Variants in PRKN observed in about 807,000 individuals in gnomAD.
The protein encoded by PRKN is E3 ubiquitin-protein ligase parkin.
Under a neutral mutation model 59.5 loss-of-function variants are expected in PRKN, and 56 were observed. The observed-to-expected ratio is 0.94, with a 90% CI of 0.76 to 1.18. PRKN has a LOEUF of 1.18. Ranked by LOEUF, PRKN falls within the 50% of genes most tolerant of loss-of-function variation. PRKN has a pLI of 0.00. For synonymous variants in PRKN, 250 were observed against 222.1 expected, an observed-to-expected ratio of 1.13 and a Z score of -1.12; for missense variants, 657 against 596.4, an observed-to-expected ratio of 1.10 and a Z score of -1.06.
chr6:161,829,505 G>A (rs1331346187), intron 6 of PRKN, among the ~76,000 whole-genome samples: 1 of 152,110 alleles, frequency 6.6e-6, no homozygotes, highest in South Asian at 2.1e-4. Flanking sequence ...TCAGACAAGC[G>A]GGTTATGTCA....
intron 1 of PRKN, among the ~76,000 whole-genome samples, chr6:162,677,765 A>T (rs1189829664): frequency 6.6e-6 from 1 of 152,200 alleles, no homozygotes; most frequent in African/African-American, 2.4e-5. Context: ...TCTTTGAAAA[A>T]GCGCTTACCT....
At chr6:161,563,533 G>A (rs1219832014) in intron 8 of PRKN, among the ~76,000 whole-genome samples, 5 of 152,306 alleles carry the variant, frequency 3.3e-5, no homozygotes, top group South Asian at 4.1e-4. Context: ...ATTTGGACTA[G>A]GGGGAAGGAG....
At chr6:161,648,424 T>C (rs1784036541) in intron 7 of PRKN, among the ~76,000 whole-genome samples, 1 of 152,000 alleles carries the variant, frequency 6.6e-6, no homozygotes, top group Non-Finnish European at 1.5e-5. Context: ...AATGAAACAG[T>C]AGGGAGGAGA....
intron 7 of PRKN, among the ~76,000 whole-genome samples, chr6:161,656,188 A>G (rs1207618291): frequency 6.6e-6 from 1 of 152,212 alleles, no homozygotes; most frequent in African/African-American, 2.4e-5. Context: ...CCATTCGGTC[A>G]AGGAGCGAAA....
At chr6:162,016,902 C>T (rs2128273400) in intron 5 of PRKN, among the ~76,000 whole-genome samples, 1 of 152,176 alleles carries the variant, frequency 6.6e-6, no homozygotes, top group Non-Finnish European at 1.5e-5. Flanking sequence ...AGGATGGATG[C>T]CTACCCAACA....
intron 7 of PRKN, among the ~76,000 whole-genome samples, chr6:161,623,200 G>A (rs1055676415): frequency 1.3e-5 from 2 of 152,204 alleles, no homozygotes; most frequent in Non-Finnish European, 2.9e-5. Context: ...CTTAACCACA[G>A]AAGTCTGAGA....
At chr6:162,620,185 T>C (rs1167862883) in intron 1 of PRKN, among the ~76,000 whole-genome samples, 5 of 152,168 alleles carry the variant, frequency 3.3e-5, no homozygotes, top group Admixed American at 2.6e-4. Context: ...TACTTTTATC[T>C]CCTCAACAGG....
At chr6:161,432,980 A>T (rs908499408) in intron 9 of PRKN, among the ~76,000 whole-genome samples, 1 of 152,206 alleles carries the variant, frequency 6.6e-6, no homozygotes, top group African/African-American at 2.4e-5. Context: ...TAAAAAACTG[A>T]AAAGGTAAAT....
intron 2 of PRKN, among the ~76,000 whole-genome samples, chr6:162,361,544 T>C (rs750897183): frequency 1.3e-5 from 2 of 152,132 alleles, no homozygotes; most frequent in African/African-American, 2.4e-5. Flanking sequence ...ACTAAACATG[T>C]GCGTTTAAGT....
At chr6:162,328,508 A>C (rs773442841) in intron 2 of PRKN, among the ~76,000 whole-genome samples, 3 of 152,198 alleles carry the variant, frequency 2.0e-5, no homozygotes, top group Non-Finnish European at 4.4e-5. Flanking sequence ...ACTTACAAAG[A>C]TGGGTGAATA....
At position 161,444,149 on chromosome 6, in the gene PRKN, C is replaced by T. The variant is rs1789380593; in HGVS notation, c.1084-57272G>A. On this transcript the variant is annotated intron_variant, in intron 9 of 11. Coordinates refer to ENST00000366898, the MANE Select transcript of PRKN (RefSeq NM_004562.3). The surrounding 1 kb of genome is among the most constrained non-coding windows in gnomAD (Gnocchi z 5.6). ...TGGGAATCGGCCAGGCCAGGCCCAG[C>T]GGGTGGGAGCTGCAGATACCACTTC... Among the ~76,000 whole-genome samples the T allele has an allele frequency of 6.6e-6, 1 of 152,170 alleles. No individual in the cohort carries two copies. The highest frequency in any genetic ancestry group is 1.5e-5 in the Non-Finnish European group (1 of 68,022).
chr6:162,349,403 G>A (rs1784533526), intron 2 of PRKN, among the ~76,000 whole-genome samples: 1 of 152,130 alleles, frequency 6.6e-6, no homozygotes, highest in Admixed American at 6.5e-5. Flanking sequence ...GGAAGCAGAG[G>A]TTGCAGTGAG....
At chr6:162,311,085 G>A (rs1383204506) in intron 2 of PRKN, among the ~76,000 whole-genome samples, 3 of 152,108 alleles carry the variant, frequency 2.0e-5, no homozygotes, top group African/African-American at 4.8e-5. Context: ...ACAAAGCCCT[G>A]ACTGGAAAGA....
chr6:162,034,774 CTAACTTTTTCAGTCAGGAAAAA>C (rs1783776437), intron 5 of PRKN, among the ~76,000 whole-genome samples: 1 of 152,188 alleles, frequency 6.6e-6, no homozygotes, highest in Admixed American at 6.5e-5. Flanking sequence ...ATCCAAGACT[CTAACTTTTTCAGTCAGGAAAAA>C]TATAGCCCAT....
At chr6:162,152,438 T>A (rs186251883) in intron 4 of PRKN, among the ~76,000 whole-genome samples, 2 of 152,342 alleles carry the variant, frequency 1.3e-5, no homozygotes, top group East Asian at 3.9e-4. Flanking sequence ...ACTGGCCCGC[T>A]ATCATTTCTC....
chr6:162,069,998 T>A (rs1223332420), intron 4 of PRKN, among the ~76,000 whole-genome samples: 3 of 152,206 alleles, frequency 2.0e-5, no homozygotes, highest in Non-Finnish European at 4.4e-5. Context: ...TCACCTTGCA[T>A]TAGTATAAAA....
intron 1 of PRKN, among the ~76,000 whole-genome samples, chr6:162,623,293 C>CT (rs2053021809): frequency 1.0e-5 from 1 of 99,720 alleles, no homozygotes; most frequent in East Asian, 2.5e-4. Context: ...TAAAAATTGG[C>CT]TTTTTTTCTT....
At chr6:162,118,243 C>T (rs1170105027) in intron 4 of PRKN, among the ~76,000 whole-genome samples, 2 of 151,580 alleles carry the variant, frequency 1.3e-5, no homozygotes, top group Non-Finnish European at 2.9e-5. Context: ...AACCCTGTCT[C>T]CACTAAAAAA....
chr6:162,643,840 C>A (rs2128225097), intron 1 of PRKN: 1 of 152,252 alleles, frequency 6.6e-6, no homozygotes, highest in African/African-American at 2.4e-5. Flanking sequence ...AGTTAATACT[C>A]ATTTTACTTC....
Sources: allele counts gnomAD v4.1 joint callset (sites outside exome capture counted in the v4.1 genomes callset), GRCh38; gene constraint gnomAD v4.1.1; non-coding constraint Gnocchi (gnomAD v3.1); transcripts MANE v1.5; gene names NCBI Gene and HGNC (gene_info 2026-07-23, HGNC 2026-07-21).